Variants in EPHA3 observed in about 807,000 individuals in gnomAD.
The protein encoded by EPHA3 is EPH receptor A3, also known as ephrin type-A receptor 3.
EPHA3 carries 42 observed loss-of-function variants against 107.1 expected under a neutral mutation model. That is an observed-to-expected ratio of 0.39 (90% CI 0.31 to 0.51). EPHA3 has a LOEUF of 0.51. EPHA3 is among the 20% of genes least tolerant of loss of function. The probability of loss-of-function intolerance (pLI) is 0.78; values close to 1 mark genes in which losing one functional copy is unlikely to be tolerated. For missense variants in EPHA3, 1,183 were observed against 1,211.2 expected, an observed-to-expected ratio of 0.98 and a Z score of 0.35; for synonymous variants, 461 against 424.8, an observed-to-expected ratio of 1.09 and a Z score of -1.05.
rs532186014 is a variant in EPHA3, at chr3:89,288,041, A to G, written c.815-52875A>G. 8.5e-4 allele frequency among the ~76,000 whole-genome samples: 130 copies of G among 152,276 alleles called. 1 individual carries two copies. The highest frequency in any genetic ancestry group is 3.1e-3 in the African/African-American group (129 of 41,570). The stretch of plus-strand genomic sequence containing the variant: ...CCAGAATTTATTTTTTTTGGAATAA[A>G]AAAACTAGAAAATAACCTAATATGT... On this transcript the variant is annotated intron_variant, in intron 3 of 16. Coordinates refer to ENST00000336596, the MANE Select transcript of EPHA3 (RefSeq NM_005233.6).
At chr3:89,167,927 TAC>T (rs753443997) in intron 2 of EPHA3, among the ~76,000 whole-genome samples, 13 of 152,034 alleles carry the variant, frequency 8.6e-5, no homozygotes, top group East Asian at 1.9e-4. Flanking sequence ...TACACATATA[TAC>T]ACACACACAA....
chr3:89,453,202 A>C (rs973147049), intron 15 of EPHA3, among the ~76,000 whole-genome samples: 1 of 152,090 alleles, frequency 6.6e-6, no homozygotes, highest in African/African-American at 2.4e-5. Context: ...TACAGCATAG[A>C]TAGTAATCAC....
intron 2 of EPHA3, among the ~76,000 whole-genome samples, chr3:89,183,965 T>C (rs1188509252): frequency 1.3e-5 from 2 of 152,028 alleles, no homozygotes; most frequent in African/African-American, 2.4e-5. Flanking sequence ...TCCTATTCTA[T>C]GACTATAAAA....
chr3:89,249,776 A>G (rs6786328), intron 3 of EPHA3, among the ~76,000 whole-genome samples: 33,534 of 152,132 alleles, frequency 0.22, 4,004 homozygotes, highest in Non-Finnish European at 0.27. Context: ...TCTTATAGTG[A>G]TAAGTTTTTG....
At chr3:89,447,293 T>C (rs1709894034) in intron 13 of EPHA3, among the ~76,000 whole-genome samples, 1 of 152,174 alleles carries the variant, frequency 6.6e-6, no homozygotes, top group Admixed American at 6.6e-5. Context: ...ACCTGGTAGC[T>C]TCTTAGGAAG....
intron 2 of EPHA3, among the ~76,000 whole-genome samples, chr3:89,174,038 A>T (rs1705264717): frequency 2.0e-5 from 3 of 152,016 alleles, no homozygotes; most frequent in Admixed American, 6.6e-5. Flanking sequence ...GCAAGGAAAA[A>T]TTACTCGGCT....
chr3:89,225,168 T>C (rs543047810), intron 3 of EPHA3, among the ~76,000 whole-genome samples: 1 of 152,294 alleles, frequency 6.6e-6, no homozygotes, highest in South Asian at 2.1e-4. Flanking sequence ...TTTTATTTGC[T>C]ATTATTTATT....
intron 2 of EPHA3, among the ~76,000 whole-genome samples, chr3:89,149,484 C>CT (rs994319123): frequency 4.6e-5 from 7 of 151,778 alleles, no homozygotes; most frequent in South Asian, 4.2e-4. Flanking sequence ...ATAGAATAAT[C>CT]TTTTTTTATT....
chr3:89,299,859 T>C (rs533741313), intron 3 of EPHA3, among the ~76,000 whole-genome samples: 2 of 152,068 alleles, frequency 1.3e-5, no homozygotes, highest in Admixed American at 1.3e-4. Flanking sequence ...AGGAAAATTT[T>C]TGATAGCCGT....
chr3:89,330,219 C>T (rs1330870987), intron 3 of EPHA3, among the ~76,000 whole-genome samples: 3 of 151,702 alleles, frequency 2.0e-5, no homozygotes, highest in Non-Finnish European at 4.4e-5. Flanking sequence ...AAATACTTAC[C>T]ATAAACATAA....
Position 89,267,695 on chromosome 3 carries a change from A to G in EPHA3, c.814+57175A>G, listed in dbSNP as rs118182764. Among the ~76,000 whole-genome samples the G allele has an allele frequency of 2.0e-3, 298 of 152,288 alleles. 2 individuals are homozygous for G. In the East Asian group the frequency reaches 0.022, roughly 11 times the overall value. On this transcript the variant is annotated intron_variant, in intron 3 of 16. Transcript: ENST00000336596. ...AAGGCTGTCCTGGTATGTTCAAATA[A>G]CACAAAGTCAATCTTTGGTTTATTT...
chr3:89,216,615 C>T (rs1704228950), intron 3 of EPHA3, among the ~76,000 whole-genome samples: 1 of 151,974 alleles, frequency 6.6e-6, no homozygotes, highest in Admixed American at 6.6e-5. Flanking sequence ...GATGACCTTC[C>T]TTAGCTCTGA....
At position 89,421,233 on chromosome 3, in the gene EPHA3, C is replaced by A. The variant is rs1185930022; in HGVS notation, c.2074+1843C>A. On this transcript the variant is annotated intron_variant, in intron 11 of 16. Transcript: ENST00000336596. ...ACAAAATATAAACTCTCAAAGAGGGCAAAAACCCATGTTATTTGATGACAA... is the reference window on the plus strand; with the variant it reads ...ACAAAATATAAACTCTCAAAGAGGGAAAAAACCCATGTTATTTGATGACAA... Among the ~76,000 whole-genome samples, 4 of 151,004 alleles carry A rather than the reference C, an allele frequency of 2.6e-5. No individual in the cohort carries two copies. The South Asian group carries it at 8.3e-4, about 31-fold the overall frequency.
In EPHA3 at chr3:89,208,423, G is replaced by GAAGA. The variant is rs745313705; in HGVS notation, c.154-1380_154-1377dup. Among the ~76,000 whole-genome samples the GAAGA allele has an allele frequency of 9.8e-3, 367 of 37,460 alleles. 15 individuals carry two copies. The highest frequency in any genetic ancestry group is 0.023 in the East Asian group (42 of 1,864). The allele number at this position is 37,460 out of a possible 152,430, so 24.6% of individuals were successfully genotyped here. On this transcript the variant is annotated intron_variant, in intron 2 of 16. Coordinates refer to ENST00000336596, the MANE Select transcript of EPHA3 (RefSeq NM_005233.6). ...AAAAGGAAGGAAGGAAGGAAGGAAG[G>GAAGA]AAGAAAGAAAGAAAGAAAGAAAGAA...
chr3:89,450,108 A>C lies in EPHA3; in HGVS notation c.2497-69A>C. On this transcript the variant is annotated intron_variant, in intron 14 of 16. Coordinates refer to ENST00000336596, the MANE Select transcript of EPHA3 (RefSeq NM_005233.6). Reference sequence around the variant, plus strand: ...ATAAGCATATTTGTGAGCCCCGCCCATGAAAACGTAAACTAAGTGACACTT... The same window carrying C: ...ATAAGCATATTTGTGAGCCCCGCCCCTGAAAACGTAAACTAAGTGACACTT... The C allele has an allele frequency of 2.2e-6, 3 of 1,341,558 alleles. No homozygotes were observed. The South Asian group carries it at 5.0e-5, about 22-fold the overall frequency. 83.1% of individuals were successfully genotyped at this position (1,341,558 alleles called of 1,614,324 possible).
chr3:89,412,310 C>T (rs980447628), intron 9 of EPHA3, among the ~76,000 whole-genome samples: 3 of 151,438 alleles, frequency 2.0e-5, no homozygotes, highest in African/African-American at 7.3e-5. Context: ...AACATTTTTA[C>T]CTTCAGAATA....
chr3:89,340,382 GA>G (rs796793586), intron 3 of EPHA3, among the ~76,000 whole-genome samples: 1 of 152,098 alleles, frequency 6.6e-6, no homozygotes, highest in Non-Finnish European at 1.5e-5. Context: ...TGTCAAGCCA[GA>G]AAAAAATATT....
At chr3:89,213,822 A>G (rs569684104) in intron 3 of EPHA3, among the ~76,000 whole-genome samples, 1 of 151,888 alleles carries the variant, frequency 6.6e-6, no homozygotes. Flanking sequence ...CTACCCTATA[A>G]TTATCGAGAT....
chr3:89,440,429 A>G (rs998873979), intron 13 of EPHA3, among the ~76,000 whole-genome samples: 22 of 152,190 alleles, frequency 1.4e-4, no homozygotes, highest in Non-Finnish European at 2.5e-4. Flanking sequence ...TTGTACATAT[A>G]ATTACAGAAA....
Sources: allele counts gnomAD v4.1 joint callset (sites outside exome capture counted in the v4.1 genomes callset), GRCh38; gene constraint gnomAD v4.1.1; transcripts MANE v1.5; gene names NCBI Gene and HGNC (gene_info 2026-07-23, HGNC 2026-07-21).